PPP1R9A: variants seen among roughly 807,000 people sequenced by gnomAD.
PPP1R9A encodes protein phosphatase 1 regulatory subunit 9A.
Under a neutral mutation model 141.9 loss-of-function variants are expected in PPP1R9A, and 59 were observed. That is an observed-to-expected ratio of 0.42 (90% CI 0.34 to 0.52). The LOEUF (loss-of-function observed/expected upper bound fraction) is 0.52, where lower values mean the gene tolerates loss of function less well. Among genes scored for constraint, PPP1R9A ranks in the 20% least tolerant of loss-of-function variants. PPP1R9A has a pLI of 0.10. For synonymous variants in PPP1R9A, 500 were observed against 569.7 expected, an observed-to-expected ratio of 0.88 and a Z score of 1.74; for missense variants, 1,444 against 1,611.9, an observed-to-expected ratio of 0.90 and a Z score of 1.78.
intron 2 of PPP1R9A, among the ~76,000 whole-genome samples, chr7:94,912,392 C>T (rs577596039): frequency 2.5e-4 from 38 of 152,270 alleles, no homozygotes; most frequent in Non-Finnish European, 4.4e-4. Context: ...TCAAAGTGTA[C>T]TTGCCCACAG....
At chr7:95,169,813 T>C (rs1203076991) in intron 5 of PPP1R9A, among the ~76,000 whole-genome samples, 2 of 151,890 alleles carry the variant, frequency 1.3e-5, no homozygotes, top group East Asian at 1.9e-4. Context: ...AGAATACTTA[T>C]TGTATTACAA....
chr7:95,269,738 A>T (rs904948400), intron 14 of PPP1R9A, among the ~76,000 whole-genome samples: 1 of 152,130 alleles, frequency 6.6e-6, no homozygotes, highest in African/African-American at 2.4e-5. Flanking sequence ...CTATAAGTTT[A>T]CTACTCAAGG....
intron 6 of PPP1R9A, among the ~76,000 whole-genome samples, chr7:95,200,350 T>C (rs897743359): frequency 4.0e-5 from 6 of 151,840 alleles, no homozygotes; most frequent in Non-Finnish European, 8.8e-5. Flanking sequence ...CACTATATCC[T>C]TGAGCTCCTG....
chr7:95,069,405 A>G (rs960608616), intron 2 of PPP1R9A, among the ~76,000 whole-genome samples: 11 of 152,150 alleles, frequency 7.2e-5, no homozygotes, highest in African/African-American at 2.2e-4. Context: ...TAGATAGAGT[A>G]CATTCAGAAG....
At chr7:95,179,958 A>G (rs1179004489) in intron 5 of PPP1R9A, among the ~76,000 whole-genome samples, 1 of 152,166 alleles carries the variant, frequency 6.6e-6, no homozygotes, top group African/African-American at 2.4e-5. Context: ...GACAAAAGCA[A>G]TCTCCAAATG....
rs1302474377 is a variant in PPP1R9A, at chr7:95,292,940, G to C, written c.*2637G>C. 6.6e-6 allele frequency: 1 copy of C among 152,078 alleles called. No homozygotes were observed. Among genetic ancestry groups the C allele is most frequent in the African/African-American group, 2.4e-5 (1 of 41,414 alleles). The allele number at this position is 152,078 out of a possible 1,614,324, so 9.4% of individuals were successfully genotyped here. ...GCACAATTCCTACTTTAATGCTAGT[G>C]GTTTTCAGTGTCCTTACAATTTAAC... On this transcript the variant is annotated 3_prime_UTR_variant, in exon 20 of 20. Coordinates refer to ENST00000433360, the MANE Select transcript of PPP1R9A (RefSeq NM_001166160.2).
intron 3 of PPP1R9A, among the ~76,000 whole-genome samples, chr7:95,115,200 C>A (rs754791325): frequency 2.0e-5 from 3 of 151,928 alleles, no homozygotes; most frequent in Non-Finnish European, 2.9e-5. Context: ...TAAACTTATG[C>A]AAATTAGGAA....
intron 4 of PPP1R9A, among the ~76,000 whole-genome samples, chr7:95,152,837 CCTT>C (rs1226629365): frequency 1.5e-5 from 2 of 130,556 alleles, no homozygotes. Flanking sequence ...ACAGCCACAC[CCTT>C]TTTTTTTTTT....
intron 2 of PPP1R9A, among the ~76,000 whole-genome samples, chr7:95,050,639 T>A (rs968745406): frequency 2.0e-5 from 3 of 152,104 alleles, no homozygotes; most frequent in African/African-American, 7.2e-5. Context: ...GGCAGGAGAA[T>A]CGCTTGAACC....
intron 7 of PPP1R9A, among the ~76,000 whole-genome samples, chr7:95,210,206 G>A (rs1478868813): frequency 2.0e-5 from 3 of 152,060 alleles, no homozygotes; most frequent in African/African-American, 7.2e-5. Context: ...AAGACATGGT[G>A]AATATATTTT....
At position 95,281,237 on chromosome 7, in the gene PPP1R9A, G is replaced by A. The variant is rs373320436; in HGVS notation, c.3297-2781G>A. Among the ~76,000 whole-genome samples the A allele has an allele frequency of 2.6e-5, 4 of 152,290 alleles. No homozygotes were observed. The East Asian group carries it at 7.7e-4, about 29-fold the overall frequency. Reference sequence around the variant, plus strand: ...AGAGATACAGGATACAACTTCAGCAGGGGCACAGCCAAGCCTCATGGGAAA... The same window carrying A: ...AGAGATACAGGATACAACTTCAGCAAGGGCACAGCCAAGCCTCATGGGAAA... On this transcript the variant is annotated intron_variant, in intron 16 of 19. Coordinates refer to ENST00000433360, the MANE Select transcript of PPP1R9A (RefSeq NM_001166160.2).
At chr7:95,169,333 A>G (rs1367445759) in intron 5 of PPP1R9A, among the ~76,000 whole-genome samples, 1 of 151,944 alleles carries the variant, frequency 6.6e-6, no homozygotes, top group East Asian at 1.9e-4. Context: ...GGAGCTAAAA[A>G]TGTTGATCTT....
intron 2 of PPP1R9A, among the ~76,000 whole-genome samples, chr7:95,052,868 T>C (rs940542859): frequency 6.6e-6 from 1 of 152,224 alleles, no homozygotes; most frequent in Non-Finnish European, 1.5e-5. Flanking sequence ...CCATCAATTC[T>C]AAGTCTGCAA....
At chr7:95,075,286 G>A (rs963371224) in intron 2 of PPP1R9A, among the ~76,000 whole-genome samples, 3 of 152,094 alleles carry the variant, frequency 2.0e-5, no homozygotes, top group African/African-American at 7.2e-5. Context: ...TCACTAATCT[G>A]TTCCTAGATC....
intron 2 of PPP1R9A, among the ~76,000 whole-genome samples, chr7:94,947,500 G>T (rs1796021152): frequency 6.6e-6 from 1 of 152,118 alleles, no homozygotes; most frequent in Admixed American, 6.6e-5. Flanking sequence ...TCTGCCTCAT[G>T]AAGTAAGAGA....
intron 4 of PPP1R9A, among the ~76,000 whole-genome samples, chr7:95,133,899 AG>A (rs1825138995): frequency 1.3e-5 from 2 of 152,108 alleles, no homozygotes; most frequent in Admixed American, 6.6e-5. Context: ...CATGTTTCCC[AG>A]GCTGGTCTTG....
chr7:94,980,800 A>G (rs923704390), intron 2 of PPP1R9A, among the ~76,000 whole-genome samples: 11 of 152,158 alleles, frequency 7.2e-5, no homozygotes, highest in African/African-American at 2.7e-4. Context: ...GGATAAAAAT[A>G]TTGAATATTA....
chr7:95,106,021 A>C (rs951898491), intron 2 of PPP1R9A, among the ~76,000 whole-genome samples: 1 of 152,184 alleles, frequency 6.6e-6, no homozygotes, highest in African/African-American at 2.4e-5. Flanking sequence ...TTGGGAGACC[A>C]AGGTGGAAGG....
intron 2 of PPP1R9A, among the ~76,000 whole-genome samples, chr7:94,981,745 A>G (rs927727022): frequency 3.3e-5 from 5 of 152,092 alleles, no homozygotes; most frequent in African/African-American, 9.7e-5. Context: ...CCATATTTTC[A>G]TAGCAGTCAT....
Sources: allele counts gnomAD v4.1 joint callset (sites outside exome capture counted in the v4.1 genomes callset), GRCh38; gene constraint gnomAD v4.1.1; transcripts MANE v1.5; gene names NCBI Gene and HGNC (gene_info 2026-07-23, HGNC 2026-07-21).